Variants in SCN10A observed in about 807,000 individuals in gnomAD.
The protein encoded by SCN10A is sodium channel protein type 10 subunit alpha.
Under a neutral mutation model 170.7 loss-of-function variants are expected in SCN10A, and 162 were observed. The observed-to-expected ratio is 0.95, with a 90% CI of 0.84 to 1.08. The LOEUF (loss-of-function observed/expected upper bound fraction) is 1.08. Among genes scored for constraint, SCN10A ranks in the 50% least tolerant of loss-of-function variants. The pLI is 0.00. For missense variants in SCN10A, 2,527 were observed against 2,436.9 expected (o/e 1.04, Z -0.78); for synonymous variants, 985 against 904.6 (o/e 1.09, Z -1.59).
chr3:38,728,518 C>A (rs747896126), intron 16 of SCN10A, 24 bp downstream of exon 16: 28 of 1,531,714 alleles, frequency 1.8e-5, no homozygotes, highest in Non-Finnish European at 2.5e-5. Flanking sequence ...GGAGACAGTG[C>A]CCCCAGCAGG....
At chr3:38,705,896 T>C (rs916748648) in intron 26 of SCN10A, among the ~76,000 whole-genome samples, 3 of 152,158 alleles carry the variant, frequency 2.0e-5, no homozygotes, top group Admixed American at 6.5e-5. Context: ...ATGACTTGAA[T>C]GTGGTTGGGA....
intron 26 of SCN10A, 33 bp downstream of exon 26, chr3:38,707,246 C>A (rs775728693): frequency 1.2e-6 from 2 of 1,606,222 alleles, no homozygotes; most frequent in East Asian, 4.5e-5. Flanking sequence ...GATTCACAGA[C>A]AGGCTGTGCT....
chr3:38,736,963 GTTTTTTTTTTTTTT>G (rs71085334), intron 15 of SCN10A, among the ~76,000 whole-genome samples: 1 of 46,666 alleles, frequency 2.1e-5, no homozygotes, highest in Non-Finnish European at 3.6e-5. Context: ...AGAAATGTTC[GTTTTTTTTTTTTTT>G]TTTTTTTTTT....
At chr3:38,769,169 A>T (rs1229702751) in intron 5 of SCN10A, among the ~76,000 whole-genome samples, 1 of 148,966 alleles carries the variant, frequency 6.7e-6, no homozygotes, top group Non-Finnish European at 1.5e-5. Flanking sequence ...TGTTTTAAAA[A>T]TTTCTTTAAG....
At chr3:38,734,125 A>G (rs1268746017) in intron 15 of SCN10A, among the ~76,000 whole-genome samples, 1 of 152,166 alleles carries the variant, frequency 6.6e-6, no homozygotes. Context: ...GGATTCAAGC[A>G]ATTCTCATGC....
intron 22 of SCN10A, among the ~76,000 whole-genome samples, chr3:38,713,090 G>C (rs146901495): frequency 6.6e-6 from 1 of 152,204 alleles, no homozygotes; most frequent in Non-Finnish European, 1.5e-5. Context: ...GTAATTATGA[G>C]GAAGAGGTGG....
In SCN10A at chr3:38,752,482, G is replaced by C. The variant is rs377467259; in HGVS notation, c.1492C>G (p.Arg498Gly). 1 of 1,602,318 alleles carries C rather than the reference G, an allele frequency of 6.2e-7. No homozygotes were observed. Among genetic ancestry groups the C allele is most frequent in the Non-Finnish European group, 8.5e-7 (1 of 1,173,458 alleles). Residue 498 changes from arginine to glycine, a missense_variant, in exon 12 of 28, where the codon CGG (arginine) becomes GGG (glycine). Physicochemically the swap from Arg to Gly is moderately radical, Grantham distance 125. Transcript: ENST00000449082. ...TGGAACACACTGCCATGACTAGCCC[G>C]GCGTTTTCCAGAGGCGAGGCCTAGA... The part of the protein sequence containing the change: ...SFLGLASGKR[R>G]ASHGSVFHFR...
chr3:38,733,427 A>G (rs1475545812), intron 15 of SCN10A, among the ~76,000 whole-genome samples: 2 of 152,234 alleles, frequency 1.3e-5, no homozygotes, highest in East Asian at 3.8e-4. Flanking sequence ...TCATTGATTA[A>G]TAAAAATTTT....
intron 1 of SCN10A, among the ~76,000 whole-genome samples, chr3:38,797,380 T>C (rs2064346760): frequency 6.6e-6 from 1 of 152,176 alleles, no homozygotes; most frequent in Non-Finnish European, 1.5e-5. Flanking sequence ...TCTTCCTTAA[T>C]GTCCTCCATT....
intron 14 of SCN10A, 49 bp downstream of exon 14, chr3:38,742,242 A>ACCC: frequency 8.2e-7 from 1 of 1,214,182 alleles, no homozygotes; most frequent in Non-Finnish European, 1.2e-6. Context: ...CATCATCCCC[A>ACCC]CCCCGCCCCG....
intron 4 of SCN10A, 64 bp from the exon 5 acceptor site, chr3:38,771,471 T>C: frequency 6.4e-7 from 1 of 1,567,722 alleles, no homozygotes; most frequent in Non-Finnish European, 8.7e-7. Flanking sequence ...GGGTTCCTTC[T>C]TCCAGGAGGG....
intron 4 of SCN10A, among the ~76,000 whole-genome samples, chr3:38,783,281 A>G (rs1263720197): frequency 1.3e-5 from 2 of 152,108 alleles, no homozygotes; most frequent in Non-Finnish European, 2.9e-5. Flanking sequence ...CCAGCACTTC[A>G]CCAGCTCCTT....
In SCN10A at chr3:38,742,318, G is replaced by A. The variant is rs746054703; in HGVS notation, c.2079C>T (p.Phe693=). The A allele has an allele frequency of 8.1e-6, 13 of 1,613,856 alleles. 1 individual carries two copies. Among genetic ancestry groups the A allele is most frequent in the Middle Eastern group, 1.7e-4 (1 of 6,048 alleles). The change falls in exon 14 of 28, where the codon TTC becomes TTT. Residue 693 remains phenylalanine, a synonymous_variant. Coordinates refer to ENST00000449082, the MANE Select transcript of SCN10A (RefSeq NM_006514.4). The part of the protein sequence containing the change: ...AMEHHGMSPT[F]EAMLQIGNIV... The stretch of plus-strand genomic sequence containing the variant: ...TGTTGCCTATCTGGAGCATGGCTTC[G>A]AAGGTAGGGCTCATGCCATGGTGCT...
In SCN10A at chr3:38,728,628, C is replaced by T. The variant is rs375274122; in HGVS notation, c.2554G>A (p.Glu852Lys). The change falls in exon 16 of 28, where the codon GAG becomes AAG. Residue 852 changes from glutamate to lysine, a missense_variant. Glu to Lys is a moderately conservative substitution (Grantham distance 56). Coordinates refer to ENST00000449082, the MANE Select transcript of SCN10A (RefSeq NM_006514.4). ...ACTTCCATGCAGGCCCACATGTTCT[C>T]AATCCACTCTCCACAGAGGATACGG... is the stretch of plus-strand genomic sequence containing the variant. The part of the protein sequence containing the change: ...VFRILCGEWI[E>K]NMWACMEVGQ... The T allele has an allele frequency of 1.6e-4, 264 of 1,613,850 alleles. No individual in the cohort carries two copies. Among genetic ancestry groups the T allele is most frequent in the Non-Finnish European group, 2.1e-4 (242 of 1,179,862 alleles).
intron 4 of SCN10A, among the ~76,000 whole-genome samples, chr3:38,777,299 A>C (rs2064087430): frequency 6.6e-6 from 1 of 152,114 alleles, no homozygotes; most frequent in Non-Finnish European, 1.5e-5. Context: ...AACTTTAAGG[A>C]GCTCAGCAGG....
chr3:38,806,983 TCTC>T (rs2064408636), intron 1 of SCN10A, among the ~76,000 whole-genome samples: 1 of 152,168 alleles, frequency 6.6e-6, no homozygotes, highest in South Asian at 2.1e-4. Flanking sequence ...CGTGTTCCTT[TCTC>T]CTATTTCGAA....
Position 38,726,516 on chromosome 3 carries a change from T to C in SCN10A, c.3087+90A>G. ...TGGTTTAAACTTCTTTATGTCAAGG[T>C]CTCCTCTGCATTTCCCTTTTGCCCT... On this transcript the variant is annotated intron_variant, in intron 17 of 27. Coordinates refer to ENST00000449082, the MANE Select transcript of SCN10A (RefSeq NM_006514.4). The C allele has an allele frequency of 2.9e-6, 3 of 1,033,434 alleles. No homozygotes were observed. The East Asian group carries it at 7.2e-5, about 25-fold the overall frequency. 64.0% of individuals were successfully genotyped at this position (1,033,434 alleles called of 1,614,324 possible).
chr3:38,755,304 C>T (rs1164305118), intron 11 of SCN10A, among the ~76,000 whole-genome samples: 1 of 151,586 alleles, frequency 6.6e-6, no homozygotes, highest in Non-Finnish European at 1.5e-5. Context: ...AAAAAAGGTG[C>T]ATGAAGGATC....
rs2063101129 is a variant in SCN10A, at chr3:38,697,421, G to A, written c.5799C>T (p.Asn1933=). ...SVTRGLSDRV[N]MRTSSSIQNE... ...TTTGTATTGAGCTAGATGTCCTCAT[G>A]TTGACTCTATCACTAAGGCCTCTAG... Residue 1933 remains asparagine (N), a synonymous_variant, in exon 28 of 28, where the codon AAC becomes AAT. Transcript: ENST00000449082. The A allele has an allele frequency of 1.2e-6, 2 of 1,614,086 alleles. No homozygotes were observed. The highest frequency in any genetic ancestry group is 1.1e-5 in the South Asian group (1 of 91,086).
Sources: gnomAD v4.1 joint callset for allele counts (sites outside exome capture counted in the v4.1 genomes callset) on GRCh38, gnomAD v4.1.1 for gene constraint, MANE v1.5 for transcripts, NCBI Gene and HGNC (gene_info 2026-07-23, HGNC 2026-07-21) for gene names.